Variants in CNBD1 observed in about 807,000 individuals in gnomAD.
CNBD1 encodes cyclic nucleotide binding domain containing 1.
In CNBD1, 71 loss-of-function variants were observed where a neutral mutation model predicts 54.4. The observed-to-expected ratio is 1.30, with a 90% confidence interval of 1.08 to 1.59. The LOEUF is 1.59. Ranked by LOEUF, CNBD1 falls within the 40% of genes most tolerant of loss-of-function variation. The pLI, the probability that CNBD1 is intolerant of heterozygous loss-of-function variation, is 0.00. For missense variants in CNBD1, 659 were observed against 518.0 expected, an observed-to-expected ratio of 1.27 and a Z score of -2.64; for synonymous variants, 182 against 170.7, an observed-to-expected ratio of 1.07 and a Z score of -0.51.
intron 1 of CNBD1, among the ~76,000 whole-genome samples, chr8:86,880,511 T>A (rs1375259194): frequency 1.3e-5 from 2 of 152,148 alleles, no homozygotes; most frequent in African/African-American, 4.8e-5. Flanking sequence ...CCATTTTATA[T>A]GAAAGACTTG....
In CNBD1 at chr8:87,230,676, A is replaced by G. The variant is rs1403693147; in HGVS notation, c.578-6243A>G. Among the ~76,000 whole-genome samples the G allele has an allele frequency of 3.3e-5, 5 of 152,322 alleles. No individual in the cohort carries two copies. The East Asian group carries it at 9.7e-4, about 29-fold the overall frequency. On this transcript the variant is annotated intron_variant, in intron 5 of 10. Transcript: ENST00000518476. Reference sequence around the variant, plus strand: ...AATAATTAGTGTTAGAACACCTAGCACAGTGCATGACAAATATTTAATGCT... The same window carrying G: ...AATAATTAGTGTTAGAACACCTAGCGCAGTGCATGACAAATATTTAATGCT...
At chr8:86,950,647 A>C (rs1373460581) in intron 4 of CNBD1, among the ~76,000 whole-genome samples, 1 of 152,064 alleles carries the variant, frequency 6.6e-6, no homozygotes, top group African/African-American at 2.4e-5. Flanking sequence ...TCAGAGTAAT[A>C]CTGGCTTTGA....
rs890963367 is a variant in CNBD1 at position 87,398,627 on chromosome 8, A to G, written c.214-29919A>G. ...TCCTTCTTTTTAAAAAACCTGATTC[A>G]TCCTCCTTTTATTATATTCCACACA... On this transcript the variant is annotated intron_variant, in intron 2 of 7. Transcript: ENST00000521593. Among the ~76,000 whole-genome samples, 12 of 152,096 alleles carry G rather than the reference A, an allele frequency of 7.9e-5. No individual in the cohort carries two copies. The East Asian group carries it at 1.9e-3, about 25-fold the overall frequency.
chr8:87,261,546 A>AG lies in CNBD1; in HGVS notation c.772-23132_772-23131insG, dbSNP rs1491532098. ...TTTATAGACAAAAAAAAAAAAAAAA[A>AG]AGAGAAATGACATACATAAATCGGC... is the stretch of plus-strand genomic sequence containing the variant. On this transcript the variant is annotated intron_variant, in intron 6 of 10. Transcript: ENST00000518476. Among the ~76,000 whole-genome samples, 897 of 151,044 alleles carry AG rather than the reference A, an allele frequency of 5.9e-3. 10 individuals are homozygous for AG. The highest frequency in any genetic ancestry group is 0.021 in the African/African-American group (841 of 40,738).
Position 87,353,792 on chromosome 8 carries a change from T to A in CNBD1, c.1303+6T>A, listed in dbSNP as rs1003049757. 6.3e-7 allele frequency: 1 copy of A among 1,587,862 alleles called. No homozygotes were observed. Among genetic ancestry groups the A allele is most frequent in the South Asian group, 1.2e-5 (1 of 85,664 alleles). On this transcript the variant is annotated splice_donor_region_variant and intron_variant, in intron 10 of 10. Coordinates refer to ENST00000518476, the MANE Select transcript of CNBD1 (RefSeq NM_173538.3). Reference sequence around the variant, plus strand: ...TGAAGATAAGGACCTATTTGGTAAATGCATAAATATCTTTTAACTGTTATA... The same window carrying A: ...TGAAGATAAGGACCTATTTGGTAAAAGCATAAATATCTTTTAACTGTTATA...
At chr8:86,956,908 A>T (rs902949783) in intron 4 of CNBD1, among the ~76,000 whole-genome samples, 1 of 152,176 alleles carries the variant, frequency 6.6e-6, no homozygotes, top group South Asian at 2.1e-4. Flanking sequence ...GTCTTGTGCC[A>T]GTTTTCAAAG....
At chr8:87,087,322 A>G (rs1205028290) in intron 4 of CNBD1, among the ~76,000 whole-genome samples, 2 of 147,614 alleles carry the variant, frequency 1.4e-5, no homozygotes, top group Non-Finnish European at 3.0e-5. Context: ...ATAAAACACC[A>G]AACTAGACAT....
chr8:87,023,333 C>A (rs1351939648), intron 4 of CNBD1, among the ~76,000 whole-genome samples: 1 of 151,998 alleles, frequency 6.6e-6, no homozygotes, highest in East Asian at 1.9e-4. Flanking sequence ...TTAAAATATA[C>A]CTTTAAATTT....
chr8:87,050,352 G>A (rs1468066563), intron 4 of CNBD1, among the ~76,000 whole-genome samples: 1 of 152,128 alleles, frequency 6.6e-6, no homozygotes, highest in East Asian at 1.9e-4. Flanking sequence ...CTTAAATTTT[G>A]AAACCTTATA....
intron 8 of CNBD1, among the ~76,000 whole-genome samples, chr8:87,336,785 T>C (rs1214508473): frequency 1.3e-5 from 2 of 152,202 alleles, no homozygotes; most frequent in African/African-American, 4.8e-5. Flanking sequence ...TCTGGCCTTT[T>C]GGATTTTCAG....
chr8:87,177,509 C>T (rs1431794669), intron 4 of CNBD1, among the ~76,000 whole-genome samples: 1 of 152,160 alleles, frequency 6.6e-6, no homozygotes, highest in Non-Finnish European at 1.5e-5. Flanking sequence ...CTAAATTCTA[C>T]ACATTACTGA....
At chr8:86,957,772 A>G (rs528434720) in intron 4 of CNBD1, among the ~76,000 whole-genome samples, 1 of 152,200 alleles carries the variant, frequency 6.6e-6, no homozygotes, top group South Asian at 2.1e-4. Flanking sequence ...GATCTTTTCA[A>G]AAAACCAGCT....
At chr8:87,005,382 G>C (rs1809078114) in intron 4 of CNBD1, among the ~76,000 whole-genome samples, 1 of 151,260 alleles carries the variant, frequency 6.6e-6, no homozygotes, top group Admixed American at 6.6e-5. Context: ...AAAAAAAAAA[G>C]TCTCAGGTCA....
At chr8:87,401,562 T>A (rs1229686061) in intron 2 of CNBD1, among the ~76,000 whole-genome samples, 1 of 152,064 alleles carries the variant, frequency 6.6e-6, no homozygotes, top group Non-Finnish European at 1.5e-5. Flanking sequence ...TTTATGTTAT[T>A]TTTTGTTGTT....
At position 87,022,158 on chromosome 8, in the gene CNBD1, G is replaced by T. The variant is rs149074728; in HGVS notation, c.431+82404G>T. On this transcript the variant is annotated intron_variant, in intron 4 of 10. Coordinates refer to ENST00000518476, the MANE Select transcript of CNBD1 (RefSeq NM_173538.3). ...AACAGCAGTGAGTTAAATAAAGCAA[G>T]TTTATTAGAGAGAAAGTACTTTGCA... Among the ~76,000 whole-genome samples the T allele has an allele frequency of 4.3e-3, 653 of 152,298 alleles. 5 individuals carry two copies. Among genetic ancestry groups the T allele is most frequent in the African/African-American group, 0.015 (625 of 41,566 alleles).
chr8:87,036,458 G>A (rs1219250837), intron 4 of CNBD1, among the ~76,000 whole-genome samples: 1 of 151,910 alleles, frequency 6.6e-6, no homozygotes, highest in Non-Finnish European at 1.5e-5. Context: ...GCCAGGCGTG[G>A]TGGTGGGCGC....
At chr8:87,389,890 C>G (rs578242433) in intron 2 of CNBD1, among the ~76,000 whole-genome samples, 1 of 152,226 alleles carries the variant, frequency 6.6e-6, no homozygotes, top group South Asian at 2.1e-4. Flanking sequence ...GTACTGGTAC[C>G]TAAACAGAGA....
intron 4 of CNBD1, among the ~76,000 whole-genome samples, chr8:86,979,017 A>G (rs529083544): frequency 6.6e-6 from 1 of 152,288 alleles, no homozygotes; most frequent in African/African-American, 2.4e-5. Context: ...TGTTAAGATT[A>G]TGTCGTAATG....
intron 2 of CNBD1, among the ~76,000 whole-genome samples, chr8:87,387,885 T>G (rs1387310274): frequency 1.3e-5 from 2 of 151,680 alleles, no homozygotes; most frequent in African/African-American, 4.8e-5. Flanking sequence ...GTGTAGAAAA[T>G]AGAAATTATA....
Sources: gnomAD v4.1 joint callset for allele counts (sites outside exome capture counted in the v4.1 genomes callset) on GRCh38, gnomAD v4.1.1 for gene constraint, MANE v1.5 for transcripts, NCBI Gene and HGNC (gene_info 2026-07-23, HGNC 2026-07-21) for gene names.